The following SNX29 variants were observed in gnomAD, a reference collection of about 807,000 sequenced individuals.
SNX29 encodes the protein sorting nexin 29, also known as sorting nexin-29.
In SNX29, 78 loss-of-function variants were observed where a neutral mutation model predicts 102.1. The observed-to-expected ratio is 0.76, with a 90% CI of 0.64 to 0.92. The LOEUF is 0.92. SNX29 is among the 40% of genes least tolerant of loss of function. The pLI is 0.00. For missense variants in SNX29, 1,280 were observed against 1,061.7 expected (o/e 1.21, Z -2.86); for synonymous variants, 580 against 414.5 (o/e 1.40, Z -4.85).
chr16:12,544,378 A>G (rs1028385293), intron 20 of SNX29, among the ~76,000 whole-genome samples: 5 of 152,334 alleles, frequency 3.3e-5, no homozygotes, highest in Admixed American at 6.5e-5. Flanking sequence ...TGGGGAGTGG[A>G]AGGCGTTGTG....
At chr16:12,009,964 CG>C (rs1405103323) in intron 3 of SNX29, among the ~76,000 whole-genome samples, 1 of 152,166 alleles carries the variant, frequency 6.6e-6, no homozygotes, top group Non-Finnish European at 1.5e-5. Flanking sequence ...GGAATGCTAA[CG>C]GGGGCAGTGG....
At chr16:12,411,304 T>C (rs1476253569) in intron 18 of SNX29, among the ~76,000 whole-genome samples, 1 of 152,196 alleles carries the variant, frequency 6.6e-6, no homozygotes, top group Non-Finnish European at 1.5e-5. Context: ...GCTCCTGTGT[T>C]GCAGGCCAAG....
At chr16:12,285,774 G>C (rs1354690841) in intron 15 of SNX29, among the ~76,000 whole-genome samples, 1 of 152,052 alleles carries the variant, frequency 6.6e-6, no homozygotes, top group Non-Finnish European at 1.5e-5. Flanking sequence ...TTTTTATAAG[G>C]ACTCAGGATA....
At chr16:12,210,721 C>T (rs1398425652) in intron 14 of SNX29, among the ~76,000 whole-genome samples, 1 of 152,000 alleles carries the variant, frequency 6.6e-6, no homozygotes, top group Non-Finnish European at 1.5e-5. Context: ...TTTTCTCTCA[C>T]ATGTTCCCTC....
At chr16:12,236,998 T>C (rs542417172) in intron 14 of SNX29, among the ~76,000 whole-genome samples, 27 of 152,298 alleles carry the variant, frequency 1.8e-4, no homozygotes, top group African/African-American at 5.3e-4. Flanking sequence ...TGAAGGTTGG[T>C]GCAGGCTTGG....
At position 12,155,872 on chromosome 16, in the gene SNX29, C is replaced by G. The variant is rs77217310; in HGVS notation, c.1595+26114C>G. Among the ~76,000 whole-genome samples the G allele has an allele frequency of 3.8e-3, 574 of 152,332 alleles. 2 individuals carry two copies. The highest frequency in any genetic ancestry group is 0.031 in the Middle Eastern group (9 of 294). ...TGCTAGAGATGGCTGGGCCCATCCTCATGAGATCACTCCTCTGCTCAAGAT... is the reference window on the plus strand; with the variant it reads ...TGCTAGAGATGGCTGGGCCCATCCTGATGAGATCACTCCTCTGCTCAAGAT... On this transcript the variant is annotated intron_variant, in intron 13 of 20. Coordinates refer to ENST00000566228, the MANE Select transcript of SNX29 (RefSeq NM_032167.5).
At chr16:12,204,495 C>A (rs777831538) in intron 14 of SNX29, among the ~76,000 whole-genome samples, 1 of 152,168 alleles carries the variant, frequency 6.6e-6, no homozygotes, top group Non-Finnish European at 1.5e-5. Flanking sequence ...GCCACCATAG[C>A]GTAGTCCTGT....
intron 15 of SNX29, among the ~76,000 whole-genome samples, chr16:12,316,994 A>C (rs957018193): frequency 2.0e-5 from 3 of 152,262 alleles, no homozygotes; most frequent in African/African-American, 7.2e-5. Flanking sequence ...TAGAAACCTC[A>C]CATTCAGTGA....
chr16:12,472,823 C>T (rs1448018906), intron 18 of SNX29, among the ~76,000 whole-genome samples: 1 of 152,106 alleles, frequency 6.6e-6, no homozygotes, highest in Non-Finnish European at 1.5e-5. Context: ...TAATTCTTCT[C>T]AGTGGAAAAG....
At position 12,482,094 on chromosome 16, in the gene SNX29, G is replaced by T. The variant is rs189575675; in HGVS notation, c.2178+4235G>T. On this transcript the variant is annotated intron_variant, in intron 19 of 20. Transcript: ENST00000566228. ...CAGGACACCTGCTTTAATATCCCAA[G>T]AGCAAAATTTTTGGAGTGTGTTGAT... Among the ~76,000 whole-genome samples, 113 of 152,294 alleles carry T rather than the reference G, an allele frequency of 7.4e-4. 2 individuals are homozygous for T. In the East Asian group the frequency reaches 0.017, roughly 23 times the overall value.
At chr16:12,088,228 A>C in intron 11 of SNX29, 1 of 412,320 alleles carries the variant, frequency 2.4e-6, no homozygotes, top group Non-Finnish European at 4.9e-6. Context: ...TGGTCAGCTG[A>C]TCCAGCACCT....
intron 14 of SNX29, among the ~76,000 whole-genome samples, chr16:12,235,236 G>A (rs1173578775): frequency 1.3e-5 from 2 of 152,062 alleles, no homozygotes; most frequent in Non-Finnish European, 2.9e-5. Flanking sequence ...TAAGTTTAGA[G>A]AAGAAATGCA....
In SNX29 at chr16:12,542,168, C is replaced by A. The variant is rs140368255; in HGVS notation, c.2318+17327C>A. On this transcript the variant is annotated intron_variant, in intron 20 of 20. Transcript: ENST00000566228. Reference sequence around the variant, plus strand: ...CGCTACCTGGGCTCCTGCTGGGTGTCAGGCCCTGTGCTAAGCCTTTTCCAC... The same window carrying A: ...CGCTACCTGGGCTCCTGCTGGGTGTAAGGCCCTGTGCTAAGCCTTTTCCAC... 2.6e-5 allele frequency among the ~76,000 whole-genome samples: 4 copies of A among 152,294 alleles called. No individual in the cohort carries two copies. In the East Asian group the frequency reaches 5.8e-4, roughly 22 times the overall value.
At chr16:12,045,913 C>T (rs1009285976) in intron 5 of SNX29, among the ~76,000 whole-genome samples, 21 of 151,996 alleles carry the variant, frequency 1.4e-4, no homozygotes, top group African/African-American at 4.6e-4. Flanking sequence ...TGTGAGCCAC[C>T]GTGCCTGGCC....
In SNX29 at chr16:12,208,640, G is replaced by A. The variant is rs568120294; in HGVS notation, c.1678+8957G>A. 1.6e-4 allele frequency among the ~76,000 whole-genome samples: 24 copies of A among 152,192 alleles called. 1 individual carries two copies. The highest frequency in any genetic ancestry group is 5.1e-4 in the African/African-American group (21 of 41,546). On this transcript the variant is annotated intron_variant, in intron 14 of 20. Coordinates refer to ENST00000566228, the MANE Select transcript of SNX29 (RefSeq NM_032167.5). ...GGAGCCATGACTGTGCCACTGCACT[G>A]TAGTCTGGATGACGGAGCAAGAGGT...
chr16:12,495,533 GC>G (rs1472606377), intron 19 of SNX29, among the ~76,000 whole-genome samples: 1 of 152,090 alleles, frequency 6.6e-6, no homozygotes, highest in Non-Finnish European at 1.5e-5. Context: ...TTCTTTCTTT[GC>G]CCCTTATTTT....
chr16:12,557,128 C>CA (rs1354268414), intron 20 of SNX29, among the ~76,000 whole-genome samples: 3 of 151,734 alleles, frequency 2.0e-5, no homozygotes, highest in African/African-American at 7.3e-5. Flanking sequence ...AGATTAGACA[C>CA]AGGAGTCACT....
intron 20 of SNX29, among the ~76,000 whole-genome samples, chr16:12,549,424 G>C (rs1260353886): frequency 1.3e-5 from 2 of 152,202 alleles, no homozygotes; most frequent in African/African-American, 4.8e-5. Flanking sequence ...GAACCTGGGA[G>C]GTGGAGGTTG....
At chr16:12,538,740 C>T (rs1335736875) in intron 20 of SNX29, among the ~76,000 whole-genome samples, 2 of 151,982 alleles carry the variant, frequency 1.3e-5, no homozygotes, top group African/African-American at 2.4e-5. Flanking sequence ...AGGAGAAGCA[C>T]ACCCATATGG....
Sources: gnomAD v4.1 joint callset for allele counts (sites outside exome capture counted in the v4.1 genomes callset) on GRCh38, gnomAD v4.1.1 for gene constraint, MANE v1.5 for transcripts, NCBI Gene and HGNC (gene_info 2026-07-23, HGNC 2026-07-21) for gene names.